The following IPPK variants were observed in gnomAD, a reference collection of about 807,000 sequenced individuals.
IPPK encodes the protein IPK1 homolog.
Under a neutral mutation model 64.6 loss-of-function variants are expected in IPPK, and 22 were observed. The observed-to-expected ratio is 0.34, with a 90% CI of 0.24 to 0.49. The LOEUF is 0.49. Among genes scored for constraint, IPPK ranks in the 20% least tolerant of loss-of-function variants. The pLI, the probability that IPPK is intolerant of heterozygous loss-of-function variation, is 0.99. For missense variants in IPPK, 532 were observed against 630.7 expected, an observed-to-expected ratio of 0.84 and a Z score of 1.68; for synonymous variants, 262 against 247.2, an observed-to-expected ratio of 1.06 and a Z score of -0.56.
At chr9:92,640,065 C>T (rs1414734542) in intron 8 of IPPK, among the ~76,000 whole-genome samples, 1 of 152,226 alleles carries the variant, frequency 6.6e-6, no homozygotes, top group Admixed American at 6.5e-5. Flanking sequence ...GAAGTATCCA[C>T]CTGCGATGGC....
intron 4 of IPPK, among the ~76,000 whole-genome samples, 163 bp from the exon 5 acceptor site, chr9:92,649,737 C>A (rs1048441057): frequency 6.6e-6 from 1 of 152,112 alleles, no homozygotes; most frequent in East Asian, 1.9e-4. Flanking sequence ...ACAGTAACAA[C>A]GTGGTTTAGG....
intron 11 of IPPK, among the ~76,000 whole-genome samples, chr9:92,626,196 G>A (rs1314685897): frequency 6.6e-6 from 1 of 152,142 alleles, no homozygotes; most frequent in Non-Finnish European, 1.5e-5. Flanking sequence ...AGGAGATTGA[G>A]ACCATCCTGA....
intron 10 of IPPK, 112 bp from the exon 11 acceptor site, chr9:92,634,600 T>C: frequency 2.7e-6 from 2 of 739,584 alleles, no homozygotes; most frequent in Non-Finnish European, 4.8e-6. Flanking sequence ...CATTTTGTTT[T>C]GAAAAACACA....
intron 1 of IPPK, among the ~76,000 whole-genome samples, chr9:92,659,164 A>AT (rs1474048571): frequency 6.6e-6 from 1 of 152,252 alleles, no homozygotes; most frequent in African/African-American, 2.4e-5. Flanking sequence ...ACACACACGT[A>AT]TGGGTGTAAT....
intron 4 of IPPK, among the ~76,000 whole-genome samples, chr9:92,651,993 C>T (rs1035519893): frequency 1.3e-5 from 2 of 152,136 alleles, no homozygotes; most frequent in African/African-American, 4.8e-5. Context: ...CTGCCTGCCT[C>T]AGCTTCCCAA....
Position 92,669,998 on chromosome 9 carries a change from C to A in IPPK, c.-10G>T. ...TCTTCCCCTCTTCCATGCCCAGGCG[C>A]AGCCCTGGCGCCTCGCGGGCTAGGA... On this transcript the variant is annotated 5_prime_UTR_variant, in exon 1 of 13. Coordinates refer to ENST00000287996, the MANE Select transcript of IPPK (RefSeq NM_022755.6). 1 of 1,605,426 alleles carries A rather than the reference C, an allele frequency of 6.2e-7. No homozygotes were observed. Among genetic ancestry groups the A allele is most frequent in the Non-Finnish European group, 8.5e-7 (1 of 1,174,960 alleles).
intron 10 of IPPK, among the ~76,000 whole-genome samples, chr9:92,634,825 G>A (rs551534862): frequency 6.6e-6 from 1 of 152,224 alleles, no homozygotes; most frequent in South Asian, 2.1e-4. Flanking sequence ...GAAAGCCCAG[G>A]ACAGAGGCTG....
intron 3 of IPPK, among the ~76,000 whole-genome samples, chr9:92,655,143 C>G (rs774556136): frequency 5.3e-5 from 8 of 152,220 alleles, no homozygotes; most frequent in Non-Finnish European, 8.8e-5. Flanking sequence ...CTCTGTCTCA[C>G]GGTCTCATCA....
intron 9 of IPPK, among the ~76,000 whole-genome samples, chr9:92,636,478 A>G (rs546522606): frequency 6.6e-6 from 1 of 152,004 alleles, no homozygotes; most frequent in Non-Finnish European, 1.5e-5. Flanking sequence ...CTCTACAAAA[A>G]AAAAATACAA....
In IPPK at chr9:92,649,663, G is replaced by A. The variant is rs966613040; in HGVS notation, c.293-89C>T. The A allele has an allele frequency of 4.1e-6, 6 of 1,476,654 alleles. No individual in the cohort carries two copies. The Admixed American group carries it at 5.4e-5, about 13-fold the overall frequency. 91.5% of individuals were successfully genotyped at this position (1,476,654 alleles called of 1,614,324 possible). ...CAAAACAGGCCCCGCCTTGTCCCTGGTTCCAGGGGGCATCTCTGTACCTGA... is the reference window on the plus strand; with the variant it reads ...CAAAACAGGCCCCGCCTTGTCCCTGATTCCAGGGGGCATCTCTGTACCTGA... On this transcript the variant is annotated intron_variant, in intron 4 of 12. Coordinates refer to ENST00000287996, the MANE Select transcript of IPPK (RefSeq NM_022755.6).
At chr9:92,656,354 C>T (rs552976372) in intron 3 of IPPK, 102 bp downstream of exon 3, 8 of 758,042 alleles carry the variant, frequency 1.1e-5, no homozygotes, top group African/African-American at 1.7e-5. Flanking sequence ...ACTAGCTGGA[C>T]GCGGGTTATC....
chr9:92,648,549 C>T (rs1426812916), intron 5 of IPPK, among the ~76,000 whole-genome samples: 1 of 152,222 alleles, frequency 6.6e-6, no homozygotes, highest in Non-Finnish European at 1.5e-5. Context: ...AGAGGCCCAT[C>T]TGATAGTTGC....
chr9:92,669,037 T>C (rs1313950861), intron 1 of IPPK, among the ~76,000 whole-genome samples: 1 of 152,172 alleles, frequency 6.6e-6, no homozygotes, highest in Non-Finnish European at 1.5e-5. Context: ...CCTGCGTAAC[T>C]GGTCTTTGCA....
intron 8 of IPPK, among the ~76,000 whole-genome samples, chr9:92,639,039 C>A (rs765498332): frequency 2.6e-5 from 4 of 152,072 alleles, no homozygotes; most frequent in Non-Finnish European, 2.9e-5. Flanking sequence ...TTATTTATTT[C>A]TTTTTAAAAA....
chr9:92,631,241 G>A (rs1851838595), intron 11 of IPPK, among the ~76,000 whole-genome samples: 1 of 149,258 alleles, frequency 6.7e-6, no homozygotes, highest in South Asian at 2.1e-4. Flanking sequence ...TGTCACCCAG[G>A]CTGGAGTGCA....
At chr9:92,654,404 C>T (rs1353256461) in intron 3 of IPPK, among the ~76,000 whole-genome samples, 1 of 152,124 alleles carries the variant, frequency 6.6e-6, no homozygotes, top group Admixed American at 6.5e-5. Flanking sequence ...GTAGTCCCAG[C>T]TACTTGGGGG....
chr9:92,623,366 G>A (rs754552205), intron 11 of IPPK, among the ~76,000 whole-genome samples: 6 of 151,574 alleles, frequency 4.0e-5, no homozygotes, highest in Admixed American at 3.3e-4. Flanking sequence ...CCCGGGAGAC[G>A]GAGCTTGCAG....
Position 92,613,204 on chromosome 9 carries a change from T to A in IPPK, c.*2628A>T. ...ATGCTGCGTGGAGGAACATGCAATT[T>A]TATTCAATATAAACATTTGCTATTT... is the stretch of plus-strand genomic sequence containing the variant. On this transcript the variant is annotated 3_prime_UTR_variant, in exon 13 of 13. Transcript: ENST00000287996. The A allele has an allele frequency of 6.2e-7, 1 of 1,608,760 alleles. No individual in the cohort carries two copies. The highest frequency in any genetic ancestry group is 1.7e-5 in the Admixed American group (1 of 59,958).
At chr9:92,630,302 T>C (rs1218568190) in intron 11 of IPPK, among the ~76,000 whole-genome samples, 1 of 152,130 alleles carries the variant, frequency 6.6e-6, no homozygotes, top group Non-Finnish European at 1.5e-5. Context: ...ATTCAATGAC[T>C]CTGTTTATAT....
Sources: allele counts gnomAD v4.1 joint callset (sites outside exome capture counted in the v4.1 genomes callset), GRCh38; gene constraint gnomAD v4.1.1; transcripts MANE v1.5; gene names NCBI Gene and HGNC (gene_info 2026-07-23, HGNC 2026-07-21).